DLK2: variants seen among roughly 807,000 people sequenced by gnomAD.
DLK2 encodes the protein protein delta homolog 2.
In DLK2, 9 loss-of-function variants were observed where a neutral mutation model predicts 31.3. The observed-to-expected ratio is 0.29, with a 90% CI of 0.17 to 0.50. The LOEUF (loss-of-function observed/expected upper bound fraction) is 0.50, where lower values mean the gene tolerates loss of function less well. Ranked by LOEUF, DLK2 falls within the 20% of genes least tolerant of loss-of-function variation. The pLI, the probability that DLK2 is intolerant of heterozygous loss-of-function variation, is 0.98. For synonymous variants in DLK2, 169 were observed against 201.2 expected (o/e 0.84, Z 1.35); for missense variants, 387 against 526.1 (o/e 0.74, Z 2.59).
In DLK2 at chr6:43,451,950, C is replaced by T. The variant is rs1383038354; in HGVS notation, c.406G>A (p.Glu136Lys). The T allele has an allele frequency of 1.2e-6, 2 of 1,614,050 alleles. No homozygotes were observed. The highest frequency in any genetic ancestry group is 1.7e-6 in the Non-Finnish European group (2 of 1,180,046). The change falls in exon 5 of 6, where the codon GAA (glutamate) becomes AAA (lysine). Residue 136 changes from glutamate (E) to lysine (K), a missense_variant. By Grantham distance (56) the Glu-to-Lys change is moderately conservative. Transcript: ENST00000372488. This position sits in a 1 kb window ranked among gnomAD's most constrained non-coding sequence, Gnocchi z 4.4. Reference protein sequence around the residue: ...RDCERKAGPCEQAGSPCRNGG... With the variant: ...RDCERKAGPCKQAGSPCRNGG... ...GGGCCCAGCACTCACCCTGCCTGTT[C>T]ACAGGGTCCAGCCTTGCGCTCGCAG...
rs990035946 is a variant in DLK2, at chr6:43,450,571, G to A, written c.1120C>T (p.Pro374Ser). The change falls in exon 6 of 6, where the codon CCC becomes TCC. Residue 374 changes from proline (P) to serine (S), a missense_variant. Physicochemically the swap from Pro to Ser is moderately conservative, Grantham distance 74. Coordinates refer to ENST00000372488, the MANE Select transcript of DLK2 (RefSeq NM_023932.4). This position sits in a 1 kb window ranked among gnomAD's most constrained non-coding sequence, Gnocchi z 4.5. The stretch of plus-strand genomic sequence containing the variant: ...GCTGTGGTCTTTCCAGGCTCAGGGG[G>A]CAAGTCACGTGGCAGGGGGAGCCCT... ...PAGLPLPRDL[P>S]PEPGKTTAL The A allele has an allele frequency of 1.9e-6, 3 of 1,575,152 alleles. No homozygotes were observed. The highest frequency in any genetic ancestry group is 2.6e-6 in the Non-Finnish European group (3 of 1,159,086).
intron 4 of DLK2, 94 bp from the exon 5 acceptor site, chr6:43,452,178 G>A: frequency 6.4e-7 from 1 of 1,552,482 alleles, no homozygotes; most frequent in Non-Finnish European, 8.7e-7. Context: ...GGTTCTGTAG[G>A]TGTGGCTATA....
rs1783775870 is a variant in DLK2 at position 43,451,969 on chromosome 6, C to T, written c.387G>A (p.Glu129=). ...CCTGTTCACAGGGTCCAGCCTTGCG[C>T]TCGCAGTCACGCCCATGGAAGCCTG... is the stretch of plus-strand genomic sequence containing the variant. The part of the protein sequence containing the change: ...CLPGFHGRDC[E]RKAGPCEQAG... Residue 129 remains glutamate, a synonymous_variant, in exon 5 of 6, where the codon GAG becomes GAA. Transcript: ENST00000372488. The surrounding 1 kb of genome is among the most constrained non-coding windows in gnomAD (Gnocchi z 4.4). 6.2e-7 allele frequency: 1 copy of T among 1,614,092 alleles called. No individual in the cohort carries two copies. Among genetic ancestry groups the T allele is most frequent in the African/African-American group, 1.3e-5 (1 of 74,938 alleles).
Position 43,450,772 on chromosome 6 carries a change from A to T in DLK2, c.919T>A (p.Leu307Met). 6.2e-7 allele frequency: 1 copy of T among 1,614,230 alleles called. No individual in the cohort carries two copies. Among genetic ancestry groups the T allele is most frequent in the Non-Finnish European group, 8.5e-7 (1 of 1,180,036 alleles). ...RQEAGLGEPSLVALVVFGALT... is the reference protein window; with the variant it reads ...RQEAGLGEPSMVALVVFGALT... ...GCCCCAAACACCACCAGGGCCACCA[A>T]GCTAGGCTCACCTAGCCCAGCCTCT... The change falls in exon 6 of 6, where the codon TTG becomes ATG. Residue 307 changes from leucine (L) to methionine (M), a missense_variant. Coordinates refer to ENST00000372488, the MANE Select transcript of DLK2 (RefSeq NM_023932.4). This position sits in a 1 kb window ranked among gnomAD's most constrained non-coding sequence, Gnocchi z 4.5.
intron 1 of DLK2, 55 bp from the exon 2 acceptor site, chr6:43,454,935 A>G (rs1581821078): frequency 6.8e-7 from 1 of 1,469,194 alleles, no homozygotes; most frequent in South Asian, 1.3e-5. Context: ...CGGCACGGAT[A>G]CGGGTTCCAA....
chr6:43,450,694 G>A lies in DLK2; in HGVS notation c.997C>T (p.Arg333Cys), dbSNP rs1330319456. Residue 333 changes from arginine to cysteine, a missense_variant, in exon 6 of 6, where the codon CGC (arginine) becomes TGC (cysteine). Arg to Cys is a radical substitution (Grantham distance 180). Coordinates refer to ENST00000372488, the MANE Select transcript of DLK2 (RefSeq NM_023932.4). This position sits in a 1 kb window ranked among gnomAD's most constrained non-coding sequence, Gnocchi z 4.5. ...ATVLLTLRAW[R>C]RGVCPPGPCC... ...GGTCCAGGGGGGCAGACACCCCGGC[G>A]CCAGGCCCTCAGGGTCAGCAACACA... 7.4e-6 allele frequency: 12 copies of A among 1,613,838 alleles called. No homozygotes were observed. The highest frequency in any genetic ancestry group is 1.3e-5 in the African/African-American group (1 of 74,916).
chr6:43,455,048 G>C (rs1783923657), intron 1 of DLK2, 168 bp from the exon 2 acceptor site: 29 of 985,050 alleles, frequency 2.9e-5, no homozygotes, highest in Non-Finnish European at 3.3e-5. Flanking sequence ...AAGAGAGCGA[G>C]GAGAGCGAAG....
At chr6:43,452,861 A>G in intron 4 of DLK2, 144 bp downstream of exon 4, 1 of 1,255,290 alleles carries the variant, frequency 8.0e-7, no homozygotes, top group East Asian at 2.5e-5. Context: ...GACAACATAT[A>G]AAAAGTCTAA....
At chr6:43,452,397 A>G (rs563799335) in intron 4 of DLK2, among the ~76,000 whole-genome samples, 2 of 152,316 alleles carry the variant, frequency 1.3e-5, no homozygotes, top group South Asian at 2.1e-4. Flanking sequence ...CCTGGCCAAC[A>G]TGGCAAAACC....
At position 43,453,544 on chromosome 6, in the gene DLK2, G is replaced by A. The variant is rs1783857542; in HGVS notation, c.141-409C>T. 6.6e-6 allele frequency among the ~76,000 whole-genome samples: 1 copy of A among 152,238 alleles called. No individual in the cohort carries two copies. On this transcript the variant is annotated intron_variant, in intron 3 of 5. Transcript: ENST00000372488. The surrounding 1 kb of genome is among the most constrained non-coding windows in gnomAD (Gnocchi z 4.1). ...GTGGTTGCTCACGCCTGTAATCCCA[G>A]CACTTTGGGAGGTCGAGGCAGGTGG... is the stretch of plus-strand genomic sequence containing the variant.
chr6:43,454,895 C>G lies in DLK2; in HGVS notation c.-55-15G>C. 6.6e-7 allele frequency: 1 copy of G among 1,507,482 alleles called. No individual in the cohort carries two copies. The allele number at this position is 1,507,482 out of a possible 1,614,324, so 93.4% of individuals were successfully genotyped here. ...CGCGTGGACACCTGTGGGACGGCACCGGTTGGGAGGCGGCCGGACGCGGAG... is the reference window on the plus strand; with the variant it reads ...CGCGTGGACACCTGTGGGACGGCACGGGTTGGGAGGCGGCCGGACGCGGAG... On this transcript the variant is annotated splice_polypyrimidine_tract_variant and intron_variant, in intron 1 of 5. Transcript: ENST00000372488.
Position 43,453,100 on chromosome 6 carries a change from C to G in DLK2, c.176G>C (p.Arg59Pro). The G allele has an allele frequency of 6.2e-7, 1 of 1,613,856 alleles. No individual in the cohort carries two copies. Among genetic ancestry groups the G allele is most frequent in the Non-Finnish European group, 8.5e-7 (1 of 1,179,794 alleles). ...CTGGCAGCCAGGCATCCTCACACAGCGCTCACAGTGCAGCCCCTCCCAGCC... is the reference window on the plus strand; with the variant it reads ...CTGGCAGCCAGGCATCCTCACACAGGGCTCACAGTGCAGCCCCTCCCAGCC... ...DPGWEGLHCE[R>P]CVRMPGCQHG... The change falls in exon 4 of 6, where the codon CGC (arginine) becomes CCC (proline). Residue 59 changes from arginine to proline, a missense_variant. Coordinates refer to ENST00000372488, the MANE Select transcript of DLK2 (RefSeq NM_023932.4). The surrounding 1 kb of genome is among the most constrained non-coding windows in gnomAD (Gnocchi z 4.1).
At chr6:43,455,174 T>C in intron 1 of DLK2, 1 of 823,320 alleles carries the variant, frequency 1.2e-6, no homozygotes, top group Non-Finnish European at 1.5e-6. Context: ...GTCCGCGGGA[T>C]GGGGACAGCG....
rs1451292128 is a variant in DLK2, at chr6:43,450,996, T to C, written c.695A>G (p.His232Arg). Residue 232 changes from histidine to arginine, a missense_variant, in exon 6 of 6, where the codon CAC (histidine) becomes CGC (arginine). Transcript: ENST00000372488. This position sits in a 1 kb window ranked among gnomAD's most constrained non-coding sequence, Gnocchi z 4.5. ...QRGARCRDRV[H>R]DFDCLCPSGY... ...ACTGGGGCAGAGGCAGTCGAAGTCG[T>C]GGACACGGTCCCGACAGCGGGCCCC... 3.1e-6 allele frequency: 5 copies of C among 1,613,966 alleles called. No individual in the cohort carries two copies. The highest frequency in any genetic ancestry group is 1.1e-5 in the South Asian group (1 of 91,080).
In DLK2 at chr6:43,453,956, C is replaced by T. The variant is rs62402416; in HGVS notation, c.140+455G>A. 6.6e-6 allele frequency among the ~76,000 whole-genome samples: 1 copy of T among 152,176 alleles called. No homozygotes were observed. Among genetic ancestry groups the T allele is most frequent in the Non-Finnish European group, 1.5e-5 (1 of 68,034 alleles). On this transcript the variant is annotated intron_variant, in intron 3 of 5. Coordinates refer to ENST00000372488, the MANE Select transcript of DLK2 (RefSeq NM_023932.4). The surrounding 1 kb of genome is among the most constrained non-coding windows in gnomAD (Gnocchi z 4.1). Reference sequence around the variant, plus strand: ...GCCTCATCAACTCATTTCCTTATGTCCACTTTCCTCCTGCTACAGAATTTG... The same window carrying T: ...GCCTCATCAACTCATTTCCTTATGTTCACTTTCCTCCTGCTACAGAATTTG...
chr6:43,455,626 G>GCCCCCA (rs1783955125), upstream of DLK2: 1 of 44,648 alleles, frequency 2.2e-5, no homozygotes, highest in African/African-American at 8.8e-5. Context: ...GGCGGAGCCC[G>GCCCCCA]CCCCCACCCC....
chr6:43,455,645 C>A (rs1463288664), upstream of DLK2: 13 of 141,816 alleles, frequency 9.2e-5, no homozygotes, highest in African/African-American at 1.3e-4. Context: ...CCCATCCCCC[C>A]CCCCGCGACG....
chr6:43,455,284 C>T (rs1027542815), intron 1 of DLK2, 111 bp downstream of exon 1: 5 of 148,808 alleles, frequency 3.4e-5, no homozygotes, highest in South Asian at 1.9e-4. Context: ...ACAGCCCCCC[C>T]CCCCGCCACC....
rs1174581535 is a variant in DLK2 at position 43,454,737 on chromosome 6, C to G, written c.76+13G>C. The G allele has an allele frequency of 1.2e-5, 19 of 1,545,198 alleles. No individual in the cohort carries two copies. Among genetic ancestry groups the G allele is most frequent in the Admixed American group, 2.0e-5 (1 of 51,174 alleles). ...GGACAGGGCCGCGACTGGAGCCCAG[C>G]GGGCGCGCTCACCTCGGACAGGCTG... On this transcript the variant is annotated intron_variant, in intron 2 of 5. Transcript: ENST00000372488.
Sources: gnomAD v4.1 joint callset for allele counts (sites outside exome capture counted in the v4.1 genomes callset) on GRCh38, gnomAD v4.1.1 for gene constraint, Gnocchi (gnomAD v3.1) non-coding constraint, MANE v1.5 for transcripts, NCBI Gene and HGNC (gene_info 2026-07-23, HGNC 2026-07-21) for gene names.